Variants in FBXO10 observed in about 807,000 individuals in gnomAD.
FBXO10 encodes the protein F-box protein 10, also known as F-box only protein 10.
FBXO10 carries 39 observed loss-of-function variants against 80.7 expected under a neutral mutation model. The observed-to-expected ratio is 0.48, with a 90% confidence interval of 0.37 to 0.63. FBXO10 has a LOEUF of 0.63. FBXO10 is among the 30% of genes least tolerant of loss of function. The pLI, the probability that FBXO10 is intolerant of heterozygous loss-of-function variation, is 0.00. For synonymous variants in FBXO10, 449 were observed against 489.6 expected, an observed-to-expected ratio of 0.92 and a Z score of 1.09; for missense variants, 1,025 against 1,269.0, an observed-to-expected ratio of 0.81 and a Z score of 2.92.
chr9:37,537,665 G>A lies in FBXO10; in HGVS notation c.864C>T (p.Asp288=). The A allele has an allele frequency of 6.2e-7, 1 of 1,614,024 alleles. No homozygotes were observed. The highest frequency in any genetic ancestry group is 8.5e-7 in the Non-Finnish European group (1 of 1,179,896). ...GGTCCAGGGACATTAAAAAGTCAGA[G>A]TCCTCTGTGGGGAGAAAAGTGGGTG... ...KSSPTFLPTE[D]SDFLMSLDLE... is the part of the protein sequence containing the mutation. The change falls in exon 3 of 11, where the codon GAC becomes GAT. Residue 288 remains aspartate (D), a synonymous_variant. Coordinates refer to ENST00000432825, the MANE Select transcript of FBXO10 (RefSeq NM_012166.3).
chr9:37,574,517 AG>A (rs1185113650), intron 1 of FBXO10, among the ~76,000 whole-genome samples: 10 of 152,244 alleles, frequency 6.6e-5, no homozygotes, highest in African/African-American at 2.4e-4. Context: ...AGAAAGACAA[AG>A]AAATCCAAGT....
chr9:37,540,048 G>A (rs1821871242), intron 2 of FBXO10, among the ~76,000 whole-genome samples: 1 of 152,102 alleles, frequency 6.6e-6, no homozygotes, highest in Non-Finnish European at 1.5e-5. Context: ...GAGGCATGTG[G>A]AGAGGAACCC....
At chr9:37,556,321 C>A (rs1822332941) in intron 1 of FBXO10, among the ~76,000 whole-genome samples, 1 of 151,264 alleles carries the variant, frequency 6.6e-6, no homozygotes, top group Non-Finnish European at 1.5e-5. Flanking sequence ...GTGTTTTTTT[C>A]TAAAAGTTTT....
At chr9:37,540,073 A>G (rs1322767251) in intron 2 of FBXO10, among the ~76,000 whole-genome samples, 1 of 152,204 alleles carries the variant, frequency 6.6e-6, no homozygotes, top group African/African-American at 2.4e-5. Context: ...GATAATGGCT[A>G]TAAGGCATAT....
At chr9:37,570,136 CCT>C (rs1822710946) in intron 1 of FBXO10, among the ~76,000 whole-genome samples, 1 of 151,968 alleles carries the variant, frequency 6.6e-6, no homozygotes, top group Non-Finnish European at 1.5e-5. Context: ...ATGGTAAAAC[CCT>C]GTCTCTACTA....
chr9:37,526,800 AT>A (rs1183060730), intron 5 of FBXO10, among the ~76,000 whole-genome samples: 1 of 148,732 alleles, frequency 6.7e-6, no homozygotes, highest in Non-Finnish European at 1.5e-5. Flanking sequence ...CTGCTCTCTT[AT>A]TTATTTATTT....
chr9:37,547,218 T>C (rs1466023935), intron 1 of FBXO10, among the ~76,000 whole-genome samples: 5 of 152,230 alleles, frequency 3.3e-5, no homozygotes, highest in African/African-American at 1.2e-4. Context: ...TTCTGGTGTA[T>C]TTGTACAATA....
intron 8 of FBXO10, 139 bp downstream of exon 8, chr9:37,521,430 G>A: frequency 9.1e-7 from 1 of 1,094,502 alleles, no homozygotes; most frequent in Non-Finnish European, 1.2e-6. Context: ...TGATTTTTCT[G>A]CCCTACCCAG....
rs1388805728 is a variant in FBXO10, at chr9:37,537,436, C to G, written c.1093G>C (p.Glu365Gln). ...CTGTACATCAGCTGGTCCTCATCTT[C>G]ATCCTCACCGCTGGGACTCAGGCCT... ...DGGLSPSGED[E>Q]DEDQLMYRLS... Residue 365 changes from glutamate to glutamine, a missense_variant, in exon 3 of 11, where the codon GAA becomes CAA. Around this residue, in one of 3 missense-constraint regions of FBXO10, gnomAD observed 450 missense variants for 499.4 expected, o/e 0.90. Coordinates refer to ENST00000432825, the MANE Select transcript of FBXO10 (RefSeq NM_012166.3). The G allele has an allele frequency of 6.2e-7, 1 of 1,601,782 alleles. No homozygotes were observed.
intron 10 of FBXO10, 87 bp from the exon 11 acceptor site, chr9:37,512,808 G>C: frequency 7.3e-7 from 1 of 1,379,304 alleles, no homozygotes. Context: ...TTGGGTTCCA[G>C]ATCGGTGGAT....
chr9:37,571,714 CATATATATATATATATAT>C (rs71494672), intron 1 of FBXO10, among the ~76,000 whole-genome samples: 31 of 93,146 alleles, frequency 3.3e-4, no homozygotes, highest in Middle Eastern at 5.3e-3. Flanking sequence ...AAAAGAGAGC[CATATATATATATATATAT>C]ATATATATAT....
intron 1 of FBXO10, among the ~76,000 whole-genome samples, chr9:37,569,379 C>G (rs1822689495): frequency 7.0e-6 from 1 of 142,032 alleles, no homozygotes; most frequent in Admixed American, 7.3e-5. Flanking sequence ...GATAATACGG[C>G]CTTACAGATA....
intron 2 of FBXO10, among the ~76,000 whole-genome samples, chr9:37,538,214 G>A (rs1821823227): frequency 6.6e-6 from 1 of 152,076 alleles, no homozygotes; most frequent in South Asian, 2.1e-4. Flanking sequence ...AGTTCACACT[G>A]CAGCATGACT....
intron 8 of FBXO10, 53 bp from the exon 9 acceptor site, chr9:37,518,491 C>T: frequency 6.9e-7 from 1 of 1,457,926 alleles, no homozygotes; most frequent in Non-Finnish European, 9.2e-7. Context: ...AGCCCTGACA[C>T]CACCAGTCAG....
Position 37,573,096 on chromosome 9 carries a change from T to C in FBXO10, c.-7+3115A>G, listed in dbSNP as rs1822801612. Among the ~76,000 whole-genome samples, 6 of 152,146 alleles carry C rather than the reference T, an allele frequency of 3.9e-5. No individual in the cohort carries two copies. In the South Asian group the frequency reaches 1.2e-3, roughly 32 times the overall value. On this transcript the variant is annotated intron_variant, in intron 1 of 10. Coordinates refer to ENST00000432825, the MANE Select transcript of FBXO10 (RefSeq NM_012166.3). ...GTAGCTATCTTGTTGAAGGCTGTCA[T>C]TCCTGAGAATCATCGGTAGGCAGAA...
rs769143516 is a variant in FBXO10 at position 37,537,687 on chromosome 9, G to A, written c.842C>T (p.Pro281Leu). Reference protein sequence around the residue: ...KYLLGLIKSSPTFLPTEDSDF... With the variant: ...KYLLGLIKSSLTFLPTEDSDF... ...AGAGTCCTCTGTGGGGAGAAAAGTG[G>A]GTGAGGACTTGATAAGCCCTAGTAG... is the stretch of plus-strand genomic sequence containing the variant. Residue 281 changes from proline (P) to leucine (L), a missense_variant, in exon 3 of 11, where the codon CCC becomes CTC. Coordinates refer to ENST00000432825, the MANE Select transcript of FBXO10 (RefSeq NM_012166.3). 9.6e-5 allele frequency: 155 copies of A among 1,613,870 alleles called. No individual in the cohort carries two copies. Among genetic ancestry groups the A allele is most frequent in the Non-Finnish European group, 1.3e-4 (148 of 1,179,892 alleles).
intron 7 of FBXO10, 63 bp from the exon 8 acceptor site, chr9:37,521,901 C>T (rs1821357540): frequency 6.8e-7 from 1 of 1,479,054 alleles, no homozygotes; most frequent in South Asian, 1.4e-5. Flanking sequence ...CCTGAGTCTC[C>T]CTGAGAGGGG....
chr9:37,561,740 C>T (rs138986410), intron 1 of FBXO10, among the ~76,000 whole-genome samples: 105 of 152,288 alleles, frequency 6.9e-4, no homozygotes, highest in African/African-American at 2.4e-3. Flanking sequence ...AAGTCCCTAC[C>T]TTCAGAGACA....
At chr9:37,557,104 C>A (rs939369498) in intron 1 of FBXO10, among the ~76,000 whole-genome samples, 1 of 152,198 alleles carries the variant, frequency 6.6e-6, no homozygotes, top group East Asian at 1.9e-4. Flanking sequence ...ACTGGGTCTA[C>A]GTGTCCATGC....
Sources: allele counts gnomAD v4.1 joint callset (sites outside exome capture counted in the v4.1 genomes callset), GRCh38; gene constraint gnomAD v4.1.1; regional missense constraint gnomAD v4.1.1; transcripts MANE v1.5; gene names NCBI Gene and HGNC (gene_info 2026-07-23, HGNC 2026-07-21).